Variants in DLGAP3 observed in about 807,000 individuals in gnomAD.
DLGAP3 encodes disks large-associated protein 3.
A neutral mutation model predicts 81.2 loss-of-function variants in DLGAP3; 17 were observed. That is an observed-to-expected ratio of 0.21 (90% CI 0.14 to 0.31). The LOEUF is 0.31. Ranked by LOEUF, DLGAP3 falls within the 10% of genes least tolerant of loss-of-function variation. DLGAP3 has a pLI of 1.00. For missense variants in DLGAP3, 1,124 were observed against 1,388.0 expected, an observed-to-expected ratio of 0.81 and a Z score of 3.02; for synonymous variants, 577 against 587.4, an observed-to-expected ratio of 0.98 and a Z score of 0.26.
chr1:34,870,565 T>C (rs755130346), intron 8 of DLGAP3, among the ~76,000 whole-genome samples: 5 of 152,052 alleles, frequency 3.3e-5, no homozygotes, highest in African/African-American at 4.8e-5. Context: ...CCTGTTGCCA[T>C]AGAAACCAGG....
intron 5 of DLGAP3, among the ~76,000 whole-genome samples, chr1:34,898,685 T>G (rs1255348680): frequency 1.3e-5 from 2 of 152,118 alleles, no homozygotes; most frequent in Non-Finnish European, 2.9e-5. Flanking sequence ...AAAGGGAAAG[T>G]GGGGCTCAAA....
chr1:34,910,179 A>C (rs888862931), intron 1 of DLGAP3, among the ~76,000 whole-genome samples: 6 of 152,160 alleles, frequency 3.9e-5, no homozygotes, highest in African/African-American at 1.4e-4. Context: ...CAACATTAAC[A>C]GTTGCTTTAC....
rs1200439031 is a variant in DLGAP3 at position 34,868,364 on chromosome 1, T to A, written c.2485+241A>T. ...GAAGGCCCAGCCCTTTGGCCTGCAG[T>A]GTCTGCAGTCCCAGCCCTGGCCTCT... On this transcript the variant is annotated intron_variant, in intron 9 of 11. Coordinates refer to ENST00000373347, the MANE Select transcript of DLGAP3 (RefSeq NM_001080418.3). The surrounding 1 kb of genome is among the most constrained non-coding windows in gnomAD (Gnocchi z 7.5). Among the ~76,000 whole-genome samples the A allele has an allele frequency of 6.6e-6, 1 of 152,206 alleles. No individual in the cohort carries two copies. Among genetic ancestry groups the A allele is most frequent in the African/African-American group, 2.4e-5 (1 of 41,460 alleles).
Position 34,865,745 on chromosome 1 carries a change from A to C in DLGAP3, c.*338T>G. The C allele has an allele frequency of 5.4e-6, 2 of 369,916 alleles. No homozygotes were observed. The highest frequency in any genetic ancestry group is 1.0e-5 in the Non-Finnish European group (2 of 199,130). The allele number at this position is 369,916 out of a possible 1,614,324, so 22.9% of individuals were successfully genotyped here. ...TGGGGGAGGGGGGGACGCAGAGCCC[A>C]GATGAGGGACCCGGCCCGGCCTGGC... is the stretch of plus-strand genomic sequence containing the variant. On this transcript the variant is annotated 3_prime_UTR_variant, in exon 12 of 12. Transcript: ENST00000373347.
intron 8 of DLGAP3, among the ~76,000 whole-genome samples, chr1:34,883,796 C>T (rs1639180427): frequency 6.6e-6 from 1 of 151,924 alleles, no homozygotes; most frequent in Admixed American, 6.5e-5. Flanking sequence ...ACCAAAAAAA[C>T]TTCATCAGGC....
intron 1 of DLGAP3, among the ~76,000 whole-genome samples, chr1:34,927,016 G>A (rs1299097861): frequency 6.6e-6 from 1 of 152,086 alleles, no homozygotes; most frequent in Non-Finnish European, 1.5e-5. Context: ...CTGAAAGCAG[G>A]TACTAACATG....
intron 5 of DLGAP3, 125 bp downstream of exon 5, chr1:34,899,536 GGTTTCCCA>G: frequency 1.2e-6 from 1 of 838,812 alleles, no homozygotes; most frequent in South Asian, 1.3e-5. Context: ...TCCTAAGGCA[GGTTTCCCA>G]GTTTCCCCAG....
At chr1:34,923,394 G>A (rs907465857) in intron 1 of DLGAP3, among the ~76,000 whole-genome samples, 1 of 152,108 alleles carries the variant, frequency 6.6e-6, no homozygotes, top group African/African-American at 2.4e-5. Flanking sequence ...TGGTGACCTG[G>A]GCTCAAATAA....
intron 1 of DLGAP3, among the ~76,000 whole-genome samples, chr1:34,924,297 T>A (rs1639836195): frequency 6.6e-6 from 1 of 152,116 alleles, no homozygotes; most frequent in Non-Finnish European, 1.5e-5. Flanking sequence ...CACTGCCCTG[T>A]CTCCAGTAGC....
intron 1 of DLGAP3, among the ~76,000 whole-genome samples, chr1:34,928,684 G>A (rs180990524): frequency 6.6e-6 from 1 of 151,982 alleles, no homozygotes; most frequent in East Asian, 1.9e-4. Flanking sequence ...AGTGAACCGC[G>A]CTCAGATACA....
In DLGAP3 at chr1:34,902,740, C is replaced by T. The variant is rs1363291317; in HGVS notation, c.1107+1537G>A. Among the ~76,000 whole-genome samples, 1 of 152,066 alleles carries T rather than the reference C, an allele frequency of 6.6e-6. No homozygotes were observed. On this transcript the variant is annotated intron_variant, in intron 3 of 11. Coordinates refer to ENST00000373347, the MANE Select transcript of DLGAP3 (RefSeq NM_001080418.3). The surrounding 1 kb of genome is among the most constrained non-coding windows in gnomAD (Gnocchi z 4.4). ...ATGGGAAGGCCATACTGCAGGGTTC[C>T]CATTCTAGCCACTGCAGAGCTCCTC... is the stretch of plus-strand genomic sequence containing the variant.
At chr1:34,877,248 G>C (rs1639071954) in intron 8 of DLGAP3, among the ~76,000 whole-genome samples, 1 of 152,178 alleles carries the variant, frequency 6.6e-6, no homozygotes. Context: ...CGCAAAGTCG[G>C]CAGCCAAGAA....
intron 4 of DLGAP3, 69 bp downstream of exon 4, chr1:34,899,999 C>T: frequency 7.2e-7 from 1 of 1,382,232 alleles, no homozygotes; most frequent in Non-Finnish European, 1.0e-6. Context: ...ACCCACTCTA[C>T]ACACATCTCC....
chr1:34,918,148 A>G (rs1639744586), intron 1 of DLGAP3, among the ~76,000 whole-genome samples: 1 of 152,174 alleles, frequency 6.6e-6, no homozygotes, highest in African/African-American at 2.4e-5. Flanking sequence ...AGACAGACAG[A>G]CAGGCATGGT....
chr1:34,898,484 G>C (rs891233464), intron 5 of DLGAP3, among the ~76,000 whole-genome samples: 1 of 152,208 alleles, frequency 6.6e-6, no homozygotes, highest in Non-Finnish European at 1.5e-5. Flanking sequence ...TAAAAAGAGA[G>C]CTGTGCCAAT....
rs146229611 is a variant in DLGAP3 at position 34,904,560 on chromosome 1, G to T, written c.824C>A (p.Ala275Glu). 1 of 1,614,072 alleles carries T rather than the reference G, an allele frequency of 6.2e-7. No homozygotes were observed. The highest frequency in any genetic ancestry group is 8.5e-7 in the Non-Finnish European group (1 of 1,179,940). ...DNLDSDSGFL[A>E]GGRPPGEPGG... Reference sequence around the variant, plus strand: ...AGGCTCCCCAGGGGGCCTCCCACCCGCCAGGAAGCCGCTATCACTGTCCAA... The same window carrying T: ...AGGCTCCCCAGGGGGCCTCCCACCCTCCAGGAAGCCGCTATCACTGTCCAA... Residue 275 changes from alanine to glutamate, a missense_variant, in exon 3 of 12, where the codon GCG becomes GAG. This residue lies in a region of DLGAP3 where 357 missense variants were observed against 408.8 expected (regional missense o/e 0.87). Transcript: ENST00000373347. This position sits in a 1 kb window ranked among gnomAD's most constrained non-coding sequence, Gnocchi z 8.1.
At chr1:34,918,558 G>A (rs1215478216) in intron 1 of DLGAP3, among the ~76,000 whole-genome samples, 1 of 152,222 alleles carries the variant, frequency 6.6e-6, no homozygotes, top group Non-Finnish European at 1.5e-5. Flanking sequence ...CCGGGCAGGG[G>A]GGCTCAGGAA....
In DLGAP3 at chr1:34,906,174, G is replaced by T. The variant is rs561305686; in HGVS notation, c.-51-740C>A. On this transcript the variant is annotated intron_variant, in intron 2 of 11. Coordinates refer to ENST00000373347, the MANE Select transcript of DLGAP3 (RefSeq NM_001080418.3). ...AATATATAGATATACTTTGGGATGT[G>T]TGTGTATGTGTGTGAATATGTCCTT... is the stretch of plus-strand genomic sequence containing the variant. Among the ~76,000 whole-genome samples, 7 of 150,826 alleles carry T rather than the reference G, an allele frequency of 4.6e-5. No individual in the cohort carries two copies. The South Asian group carries it at 1.3e-3, about 27-fold the overall frequency.
chr1:34,879,599 T>C (rs1639115067), intron 8 of DLGAP3, among the ~76,000 whole-genome samples: 1 of 151,988 alleles, frequency 6.6e-6, no homozygotes, highest in Non-Finnish European at 1.5e-5. Flanking sequence ...ATAAATATAA[T>C]AGGTACATAA....
Sources: gnomAD v4.1 joint callset for allele counts (sites outside exome capture counted in the v4.1 genomes callset) on GRCh38, gnomAD v4.1.1 for gene constraint, gnomAD v4.1.1 regional missense constraint, Gnocchi (gnomAD v3.1) non-coding constraint, MANE v1.5 for transcripts, NCBI Gene and HGNC (gene_info 2026-07-23, HGNC 2026-07-21) for gene names.